The following CSGALNACT1 variants were observed in gnomAD, a reference collection of about 807,000 sequenced individuals.
The protein encoded by CSGALNACT1 is chondroitin sulfate N-acetylgalactosaminyltransferase 1, also known as beta4GalNAcT-1.
In CSGALNACT1, 52 loss-of-function variants were observed where a neutral mutation model predicts 51.0. The observed-to-expected ratio is 1.02, with a 90% confidence interval of 0.82 to 1.29. The LOEUF (loss-of-function observed/expected upper bound fraction) is 1.29, where lower values mean the gene tolerates loss of function less well. CSGALNACT1 is among the 50% of genes most tolerant of loss of function. The pLI is 0.00. For missense variants in CSGALNACT1, 935 were observed against 679.2 expected (o/e 1.38, Z -4.19); for synonymous variants, 341 against 254.4 (o/e 1.34, Z -3.24).
intron 2 of CSGALNACT1, among the ~76,000 whole-genome samples, chr8:19,596,060 G>C (rs979699087): frequency 6.6e-6 from 1 of 151,950 alleles, no homozygotes; most frequent in Non-Finnish European, 1.5e-5. Flanking sequence ...AGAGACAGGG[G>C]TCTTGTCATG....
chr8:19,636,116 T>C (rs1412183536), intron 1 of CSGALNACT1, among the ~76,000 whole-genome samples: 2 of 152,190 alleles, frequency 1.3e-5, no homozygotes, highest in African/African-American at 2.4e-5. Flanking sequence ...AGCGGTTCAC[T>C]TTCTGCAGTT....
chr8:19,690,542 A>G lies in CSGALNACT1; in HGVS notation c.-297+67308T>C, dbSNP rs377717420. On this transcript the variant is annotated intron_variant, in intron 1 of 1. Transcript: ENST00000517494. ...CAGCTTACCAAAAATGACAAAATAGAAAACATATATAAAACAGATTTTTTT... is the reference window on the plus strand; with the variant it reads ...CAGCTTACCAAAAATGACAAAATAGGAAACATATATAAAACAGATTTTTTT... Among the ~76,000 whole-genome samples the G allele has an allele frequency of 3.0e-4, 46 of 152,366 alleles. 1 individual carries two copies. The East Asian group carries it at 6.7e-3, about 22-fold the overall frequency.
intron 1 of CSGALNACT1, among the ~76,000 whole-genome samples, chr8:19,612,556 G>A (rs747294228): frequency 1.4e-4 from 21 of 152,070 alleles, no homozygotes; most frequent in Middle Eastern, 3.4e-3. Flanking sequence ...TGACTTCCCT[G>A]TTCTGCTAGG....
chr8:19,550,155 G>A (rs2087611450), intron 3 of CSGALNACT1, among the ~76,000 whole-genome samples: 2 of 151,848 alleles, frequency 1.3e-5, no homozygotes, highest in Non-Finnish European at 2.9e-5. Context: ...TGCTTTTTTA[G>A]GTTTTTGTTT....
intron 1 of CSGALNACT1, among the ~76,000 whole-genome samples, chr8:19,631,061 C>A (rs1041923412): frequency 3.9e-5 from 6 of 152,132 alleles, no homozygotes; most frequent in Non-Finnish European, 8.8e-5. Context: ...TGTAACAGAC[C>A]ATTTGTATGA....
At chr8:19,585,584 C>A (rs2046443307) in intron 3 of CSGALNACT1, among the ~76,000 whole-genome samples, 1 of 152,144 alleles carries the variant, frequency 6.6e-6, no homozygotes, top group Non-Finnish European at 1.5e-5. Context: ...GTGATACACC[C>A]CTTTACTATC....
chr8:19,566,766 C>G (rs1228438229), intron 3 of CSGALNACT1, among the ~76,000 whole-genome samples: 1 of 152,168 alleles, frequency 6.6e-6, no homozygotes, highest in Non-Finnish European at 1.5e-5. Flanking sequence ...TCAACTCCTT[C>G]AGGGTTAAAG....
At chr8:19,558,798 A>T (rs895779496) in intron 3 of CSGALNACT1, among the ~76,000 whole-genome samples, 2 of 152,098 alleles carry the variant, frequency 1.3e-5, no homozygotes, top group African/African-American at 4.8e-5. Context: ...TCCAGTTATT[A>T]AAAAAATGGT....
chr8:19,532,249 C>G (rs1289985194), intron 3 of CSGALNACT1, among the ~76,000 whole-genome samples: 1 of 152,200 alleles, frequency 6.6e-6, no homozygotes, highest in East Asian at 1.9e-4. Context: ...ATCCTGGAAG[C>G]CCAGCAGCCA....
intron 3 of CSGALNACT1, chr8:19,587,991 G>C (rs1444681124): frequency 6.6e-6 from 1 of 152,192 alleles, no homozygotes; most frequent in Non-Finnish European, 1.5e-5. Context: ...AGGAGTTTGA[G>C]ACCAGCCTGG....
chr8:19,530,252 CA>C (rs1044203656), intron 3 of CSGALNACT1, among the ~76,000 whole-genome samples: 1 of 131,890 alleles, frequency 7.6e-6, no homozygotes, highest in Non-Finnish European at 1.6e-5. Flanking sequence ...CAAAACAAAA[CA>C]AAAAAAATTC....
At chr8:19,662,188 C>T (rs923298415) in intron 1 of CSGALNACT1, among the ~76,000 whole-genome samples, 21 of 150,576 alleles carry the variant, frequency 1.4e-4, no homozygotes, top group African/African-American at 4.9e-4. Flanking sequence ...GAGGCCAAGG[C>T]AGGTGATCAA....
intron 4 of CSGALNACT1, among the ~76,000 whole-genome samples, chr8:19,490,085 C>T (rs1041994988): frequency 1.1e-4 from 17 of 152,168 alleles, no homozygotes; most frequent in African/African-American, 3.6e-4. Context: ...CTCTGGGATT[C>T]GAGTATAACA....
intron 1 of CSGALNACT1, among the ~76,000 whole-genome samples, chr8:19,622,154 T>C (rs1421272940): frequency 6.6e-6 from 1 of 152,240 alleles, no homozygotes; most frequent in East Asian, 1.9e-4. Flanking sequence ...ATGCACTCCA[T>C]TGTTTCACAT....
At chr8:19,504,363 A>G (rs1036292384) in intron 4 of CSGALNACT1, among the ~76,000 whole-genome samples, 3 of 152,252 alleles carry the variant, frequency 2.0e-5, no homozygotes, top group African/African-American at 7.2e-5. Flanking sequence ...GGCGCGAGCC[A>G]CTGCACCCGG....
At chr8:19,493,905 C>T (rs991780660) in intron 4 of CSGALNACT1, among the ~76,000 whole-genome samples, 1 of 143,336 alleles carries the variant, frequency 7.0e-6, no homozygotes, top group Non-Finnish European at 1.5e-5. Context: ...CACACACACA[C>T]ATCTAGGAGT....
At chr8:19,578,215 A>C (rs1427994909) in intron 3 of CSGALNACT1, among the ~76,000 whole-genome samples, 19 of 152,194 alleles carry the variant, frequency 1.2e-4, no homozygotes, top group Non-Finnish European at 1.6e-4. Flanking sequence ...TTTGCATTTA[A>C]AATAAATATT....
chr8:19,439,755 G>A (rs2060999190), intron 6 of CSGALNACT1, 75 bp downstream of exon 5: 1 of 1,121,358 alleles, frequency 8.9e-7, no homozygotes, highest in Non-Finnish European at 1.4e-6. Context: ...AAATTAAGCA[G>A]AAGTTTCAGC....
intron 4 of CSGALNACT1, among the ~76,000 whole-genome samples, chr8:19,476,213 A>G (rs1389734768): frequency 1.3e-5 from 2 of 152,120 alleles, no homozygotes; most frequent in Non-Finnish European, 2.9e-5. Context: ...TACATAGCCA[A>G]TTTGAGTGTA....
Sources: gnomAD v4.1 joint callset for allele counts (sites outside exome capture counted in the v4.1 genomes callset) on GRCh38, gnomAD v4.1.1 for gene constraint, MANE v1.5 for transcripts, NCBI Gene and HGNC (gene_info 2026-07-23, HGNC 2026-07-21) for gene names.